Variants in OTC observed in about 807,000 individuals in gnomAD.
OTC encodes ornithine transcarbamylase.
OTC carries 3 observed loss-of-function variants against 30.3 expected under a neutral mutation model. The ratio of observed to expected loss-of-function variants is 0.10; its 90% CI spans 0.05 to 0.26. The LOEUF is 0.26. OTC is among the 10% of genes least tolerant of loss of function. The probability of loss-of-function intolerance (pLI) is 1.00; values close to 1 mark genes in which losing one functional copy is unlikely to be tolerated. For synonymous variants in OTC, 111 were observed against 99.7 expected, an observed-to-expected ratio of 1.11 and a Z score of -0.67; for missense variants, 194 against 260.3, an observed-to-expected ratio of 0.75 and a Z score of 1.75.
chrX:38,401,523 T>C, intron 5 of OTC, 95 bp downstream of exon 5: 1 of 694,840 alleles, frequency 1.4e-6, no homozygotes, highest in Non-Finnish European at 2.3e-6. Context: ...GTATTGGTGT[T>C]TTATTTTCAA....
At position 38,384,011 on chromosome X, in the gene OTC, A is replaced by T. The variant is rs774111275; in HGVS notation, c.386+2582A>T. ...GAAGGGAAAAGGCAGAAGCAGGAAA[A>T]TGAAAGGAGTTTCTGCTTTGTGGAG... On this transcript the variant is annotated intron_variant, in intron 4 of 9. Coordinates refer to ENST00000039007, the MANE Select transcript of OTC (RefSeq NM_000531.6). 5.4e-5 allele frequency among the ~76,000 whole-genome samples: 6 copies of T among 111,959 alleles called. No homozygotes were observed. In the South Asian group the frequency reaches 2.2e-3, roughly 42 times the overall value.
intron 6 of OTC, among the ~76,000 whole-genome samples, chrX:38,408,076 G>A (rs2068523961): frequency 8.9e-6 from 1 of 112,191 alleles, no homozygotes; most frequent in African/African-American, 3.2e-5. Flanking sequence ...TTTGCCCTAG[G>A]CACCTCGCTT....
At position 38,408,909 on chromosome X, in the gene OTC, T is replaced by C. The variant is rs36005267; in HGVS notation, c.751T>C (p.Leu251=). The C allele has an allele frequency of 1.2e-3, 1,481 of 1,209,035 alleles. 21 individuals carry two copies. In the African/African-American group the frequency reaches 0.023, roughly 19 times the overall value. The stretch of plus-strand genomic sequence containing the variant: ...CAAGCTGTTGCTGACAAATGATCCA[T>C]TGGAAGCAGCGCATGGAGGCAATGT... ...GTKLLLTNDP[L]EAAHGGNVLI... is the part of the protein sequence containing the mutation. Residue 251 remains leucine, a synonymous_variant, in exon 8 of 10, where the codon TTG becomes CTG. Transcript: ENST00000039007.
At chrX:38,334,886 G>A in the OTC span, among the ~76,000 whole-genome samples, 1,125 of 111,334 alleles carry the variant, frequency 0.01, 12 homozygotes, top group African/African-American at 0.035. Context: ...TTCACCTCCT[G>A]TCAGATGAAT....
upstream of OTC, among the ~76,000 whole-genome samples, chrX:38,348,049 C>A (rs760931830): frequency 8.9e-6 from 1 of 112,281 alleles, no homozygotes; most frequent in Non-Finnish European, 1.9e-5. Flanking sequence ...GAATTTTATT[C>A]TCAGTAATAG....
chrX:38,374,095 C>G (rs1602017486), intron 3 of OTC, among the ~76,000 whole-genome samples: 1 of 111,085 alleles, frequency 9.0e-6, no homozygotes, highest in African/African-American at 3.3e-5. Flanking sequence ...ACCCGGGAGG[C>G]GGAGCTTGCA....
At chrX:38,397,573 T>C (rs1394836208) in intron 4 of OTC, among the ~76,000 whole-genome samples, 2 of 112,232 alleles carry the variant, frequency 1.8e-5, no homozygotes, top group Admixed American at 9.5e-5. Context: ...CTTCTCTTGC[T>C]AGCGACTGAG....
chrX:38,377,458 A>G (rs1159290540), intron 3 of OTC, among the ~76,000 whole-genome samples: 1 of 112,177 alleles, frequency 8.9e-6, no homozygotes, highest in Non-Finnish European at 1.9e-5. Flanking sequence ...GAAATAATAC[A>G]GATCAAAACA....
chrX:38,375,845 G>A (rs893961735), intron 3 of OTC, among the ~76,000 whole-genome samples: 1 of 111,114 alleles, frequency 9.0e-6, no homozygotes. Flanking sequence ...TATAAAGAGA[G>A]TAAGTGTAGA....
At chrX:38,381,908 A>C (rs1181894799) in intron 4 of OTC, among the ~76,000 whole-genome samples, 2 of 112,582 alleles carry the variant, frequency 1.8e-5, no homozygotes, top group Non-Finnish European at 3.7e-5. Flanking sequence ...AATTAGGCAC[A>C]GACTAGCTGC....
chrX:38,345,524 C>T, the OTC span, among the ~76,000 whole-genome samples: 3 of 101,220 alleles, frequency 3.0e-5, no homozygotes, highest in African/African-American at 1.1e-4. Context: ...TAGCCTCCAG[C>T]TGCATAACTC....
the OTC span, among the ~76,000 whole-genome samples, chrX:38,334,857 A>G: frequency 9.0e-6 from 1 of 111,663 alleles, no homozygotes; most frequent in African/African-American, 3.3e-5. Context: ...GAGCAGCGGT[A>G]GAGCATTACC....
intron 6 of OTC, among the ~76,000 whole-genome samples, chrX:38,405,933 A>C (rs1445084612): frequency 8.9e-6 from 1 of 112,371 alleles, no homozygotes; most frequent in Non-Finnish European, 1.9e-5. Flanking sequence ...TGCTATGAAG[A>C]TCTTTTGGAA....
At chrX:38,344,228 G>GAT in the OTC span, among the ~76,000 whole-genome samples, 32 of 77,521 alleles carry the variant, frequency 4.1e-4, no homozygotes, top group Non-Finnish European at 5.3e-4. Context: ...CTCTTTTGGT[G>GAT]ATATATATAT....
the OTC span, among the ~76,000 whole-genome samples, chrX:38,332,676 T>C: frequency 5.4e-4 from 58 of 107,947 alleles, 1 homozygote; most frequent in African/African-American, 1.9e-3. Context: ...CTCACTGTAT[T>C]AGTCAGCATA....
chrX:38,327,957 A>C, the OTC span, among the ~76,000 whole-genome samples: 1 of 112,900 alleles, frequency 8.9e-6, no homozygotes, highest in Non-Finnish European at 1.9e-5. Flanking sequence ...TTTATTGGAC[A>C]AATGAGTACT....
At chrX:38,374,039 C>T (rs2068334283) in intron 3 of OTC, among the ~76,000 whole-genome samples, 1 of 110,783 alleles carries the variant, frequency 9.0e-6, no homozygotes, top group Admixed American at 9.6e-5. Context: ...TGGCGGGCGC[C>T]TGTAGTCCCA....
the OTC span, among the ~76,000 whole-genome samples, chrX:38,342,498 A>G: frequency 9.0e-6 from 1 of 111,715 alleles, no homozygotes; most frequent in East Asian, 2.8e-4. Flanking sequence ...ACACTGAGCT[A>G]GGTACTGTGC....
chrX:38,396,962 A>T (rs937762082), intron 4 of OTC, among the ~76,000 whole-genome samples: 2 of 111,344 alleles, frequency 1.8e-5, no homozygotes, highest in Admixed American at 9.6e-5. Flanking sequence ...TTCATGGTAC[A>T]GTTTCTACTA....
Sources: gnomAD v4.1 joint callset for allele counts (sites outside exome capture counted in the v4.1 genomes callset) on GRCh38, gnomAD v4.1.1 for gene constraint, MANE v1.5 for transcripts, NCBI Gene and HGNC (gene_info 2026-07-23, HGNC 2026-07-21) for gene names.